Variants in GAREM1 observed in about 807,000 individuals in gnomAD.
GAREM1 encodes the protein GRB2-associated and regulator of MAPK protein 1.
A neutral mutation model predicts 71.3 loss-of-function variants in GAREM1; 26 were observed. The observed-to-expected ratio is 0.36, with a 90% CI of 0.27 to 0.51. The LOEUF (loss-of-function observed/expected upper bound fraction) is 0.51. Among genes scored for constraint, GAREM1 ranks in the 20% least tolerant of loss-of-function variants. GAREM1 has a pLI of 0.95. For synonymous variants in GAREM1, 440 were observed against 433.2 expected (o/e 1.02, Z -0.20); for missense variants, 1,026 against 1,103.1 (o/e 0.93, Z 0.99).
Position 32,455,461 on chromosome 18 carries a change from G to A in GAREM1, c.121+14847C>T, listed in dbSNP as rs79265778. Among the ~76,000 whole-genome samples, 308 of 152,192 alleles carry A rather than the reference G, an allele frequency of 2.0e-3. 1 individual carries two copies. The highest frequency in any genetic ancestry group is 7.2e-3 in the African/African-American group (298 of 41,538). On this transcript the variant is annotated intron_variant, in intron 1 of 5. Transcript: ENST00000269209. ...ACACTTTCAACTAAGTAATCAAGCT[G>A]AGTGCAACTTGCAAATCCTTCTTAA...
intron 3 of GAREM1, among the ~76,000 whole-genome samples, chr18:32,294,298 C>T (rs986941852): frequency 6.6e-6 from 1 of 152,150 alleles, no homozygotes; most frequent in African/African-American, 2.4e-5. Context: ...ATACGTGTAT[C>T]TGTATATGTG....
At chr18:32,274,267 A>G (rs914218926) in intron 4 of GAREM1, among the ~76,000 whole-genome samples, 5 of 152,168 alleles carry the variant, frequency 3.3e-5, no homozygotes, top group Non-Finnish European at 7.3e-5. Context: ...TTACTCTTAG[A>G]ACAGTAACAG....
intron 2 of GAREM1, among the ~76,000 whole-genome samples, chr18:32,373,786 A>C (rs184573124): frequency 1.7e-4 from 26 of 152,282 alleles, no homozygotes; most frequent in Admixed American, 1.3e-3. Context: ...AGTGGACCAG[A>C]TCTACTGCCA....
chr18:32,374,247 G>A lies in GAREM1; in HGVS notation c.262+18648C>T, dbSNP rs1317940655. On this transcript the variant is annotated intron_variant, in intron 2 of 5. Transcript: ENST00000269209. ...CATAAATTCCTTTTCTGGGCAGCTA[G>A]CCAGCTTTCTACATTGCGTTCAGTC... 2.6e-5 allele frequency among the ~76,000 whole-genome samples: 4 copies of A among 152,328 alleles called. No homozygotes were observed. In the South Asian group the frequency reaches 6.2e-4, roughly 24 times the overall value.
At chr18:32,385,477 C>T in intron 2 of GAREM1, among the ~76,000 whole-genome samples, 1 of 152,176 alleles carries the variant, frequency 6.6e-6, no homozygotes, top group East Asian at 1.9e-4. Flanking sequence ...TCTGAGGCTC[C>T]AGGGGCTCCC....
chr18:32,410,659 TC>T (rs2048407576), intron 1 of GAREM1, among the ~76,000 whole-genome samples: 1 of 152,170 alleles, frequency 6.6e-6, no homozygotes, highest in Non-Finnish European at 1.5e-5. Context: ...GCAAATAACT[TC>T]TTGAGCCTCA....
Position 32,385,181 on chromosome 18 carries a change from C to CT in GAREM1, c.262+7713dup, listed in dbSNP as rs1291099074. Among the ~76,000 whole-genome samples, 172 of 145,962 alleles carry CT rather than the reference C, an allele frequency of 1.2e-3. 2 individuals are homozygous for CT. The highest frequency in any genetic ancestry group is 2.0e-3 in the Admixed American group (29 of 14,574). ...TCCTATGTCCTCTTTCTTGGCTTCC[C>CT]TTTTTTTTTTTAAATAAAATTTTTA... On this transcript the variant is annotated intron_variant, in intron 2 of 5. Coordinates refer to ENST00000269209, the MANE Select transcript of GAREM1 (RefSeq NM_001242409.2).
chr18:32,392,020 ACT>A (rs2048205338), intron 2 of GAREM1, among the ~76,000 whole-genome samples: 1 of 151,968 alleles, frequency 6.6e-6, no homozygotes. Flanking sequence ...CCAAATAATA[ACT>A]CTCTGTGCAT....
At chr18:32,407,703 G>C (rs894634111) in intron 1 of GAREM1, among the ~76,000 whole-genome samples, 2 of 152,050 alleles carry the variant, frequency 1.3e-5, no homozygotes, top group African/African-American at 4.8e-5. Flanking sequence ...CATTACTAGA[G>C]TGGCAGCAAC....
intron 1 of GAREM1, among the ~76,000 whole-genome samples, chr18:32,418,990 G>C (rs1189944861): frequency 6.6e-6 from 1 of 152,182 alleles, no homozygotes; most frequent in Non-Finnish European, 1.5e-5. Context: ...GGCGTCAGCT[G>C]GCTGCATTCT....
At chr18:32,449,894 C>T (rs1274619147) in intron 1 of GAREM1, among the ~76,000 whole-genome samples, 1 of 152,050 alleles carries the variant, frequency 6.6e-6, no homozygotes, top group Non-Finnish European at 1.5e-5. Context: ...CCAATGTCTA[C>T]ATAAAAAGCT....
At chr18:32,456,907 T>C (rs1336552791) in intron 1 of GAREM1, among the ~76,000 whole-genome samples, 1 of 152,142 alleles carries the variant, frequency 6.6e-6, no homozygotes, top group Non-Finnish European at 1.5e-5. Context: ...ATAAGTGATA[T>C]AAGCAAGAGG....
In GAREM1 at chr18:32,327,970, A is replaced by AATATTC. The variant is rs551441772; in HGVS notation, c.263-17648_263-17647insGAATAT. Among the ~76,000 whole-genome samples the AATATTC allele has an allele frequency of 9.7e-3, 1,483 of 152,344 alleles. 23 individuals carry two copies. Among genetic ancestry groups the AATATTC allele is most frequent in the African/African-American group, 0.033 (1,379 of 41,572 alleles). On this transcript the variant is annotated intron_variant, in intron 2 of 5. Transcript: ENST00000269209. The stretch of plus-strand genomic sequence containing the variant: ...GGGCAAGATGCCTCTGATTCACAGT[A>AATATTC]ATATGATTAATAATATGAATATTAT...
chr18:32,424,007 A>G (rs1018191444), intron 1 of GAREM1, among the ~76,000 whole-genome samples: 2 of 152,070 alleles, frequency 1.3e-5, no homozygotes, highest in African/African-American at 4.8e-5. Flanking sequence ...GTGGTGGTAC[A>G]TGCCTGTAGT....
chr18:32,468,096 T>A (rs991060664), intron 1 of GAREM1, among the ~76,000 whole-genome samples: 1 of 152,198 alleles, frequency 6.6e-6, no homozygotes, highest in Non-Finnish European at 1.5e-5. Flanking sequence ...TAAACGAGGA[T>A]TTCCTTTAGT....
At position 32,467,468 on chromosome 18, in the gene GAREM1, C is replaced by T. The variant is rs1231646563; in HGVS notation, c.121+2840G>A. Among the ~76,000 whole-genome samples, 6 of 152,226 alleles carry T rather than the reference C, an allele frequency of 3.9e-5. No homozygotes were observed. The South Asian group carries it at 8.3e-4, about 21-fold the overall frequency. Reference sequence around the variant, plus strand: ...ATTCCACTCCACCATTTACTAGGTACGAGTCTTCAGGCAAGTCAATTTTTC... The same window carrying T: ...ATTCCACTCCACCATTTACTAGGTATGAGTCTTCAGGCAAGTCAATTTTTC... On this transcript the variant is annotated intron_variant, in intron 1 of 5. Transcript: ENST00000269209.
chr18:32,379,022 A>G (rs2048067626), intron 2 of GAREM1, among the ~76,000 whole-genome samples: 1 of 152,202 alleles, frequency 6.6e-6, no homozygotes, highest in South Asian at 2.1e-4. Flanking sequence ...TTGAGTGCTT[A>G]GCTCTCCAAC....
chr18:32,380,395 GA>G (rs2048083500), intron 2 of GAREM1, among the ~76,000 whole-genome samples: 1 of 147,300 alleles, frequency 6.8e-6, no homozygotes, highest in African/African-American at 2.5e-5. Context: ...ATAATTGCTT[GA>G]ACCAGGGAGG....
At chr18:32,315,989 T>A (rs2047374601) in intron 2 of GAREM1, among the ~76,000 whole-genome samples, 1 of 152,224 alleles carries the variant, frequency 6.6e-6, no homozygotes. Context: ...TCTGTGATCT[T>A]GTACTATCAG....
Sources: allele counts gnomAD v4.1 joint callset (sites outside exome capture counted in the v4.1 genomes callset), GRCh38; gene constraint gnomAD v4.1.1; transcripts MANE v1.5; gene names NCBI Gene and HGNC (gene_info 2026-07-23, HGNC 2026-07-21).